Variants in WSB2 observed in about 807,000 individuals in gnomAD.
WSB2 encodes WD repeat and SOCS box containing 2, also known as WD repeat and SOCS box-containing protein 2.
A neutral mutation model predicts 48.8 loss-of-function variants in WSB2; 12 were observed. The observed-to-expected ratio is 0.25, with a 90% CI of 0.16 to 0.40. WSB2 has a LOEUF of 0.40. Among genes scored for constraint, WSB2 ranks in the 10% least tolerant of loss-of-function variants. WSB2 has a pLI of 1.00. For missense variants in WSB2, 317 were observed against 506.2 expected, an observed-to-expected ratio of 0.63 and a Z score of 3.59; for synonymous variants, 191 against 203.1, an observed-to-expected ratio of 0.94 and a Z score of 0.51.
At chr12:118,035,437 C>T in intron 6 of WSB2, 113 bp from the exon 7 acceptor site, 1 of 833,550 alleles carries the variant, frequency 1.2e-6, no homozygotes, top group Non-Finnish European at 1.9e-6. Flanking sequence ...GCTCAAGATG[C>T]ATTGTGTGCC....
At chr12:118,043,522 G>T in intron 2 of WSB2, 145 bp from the exon 3 acceptor site, 1 of 1,290,238 alleles carries the variant, frequency 7.8e-7, no homozygotes, top group Non-Finnish European at 1.0e-6. Context: ...ATGGCTCACT[G>T]CAGCCTCGAC....
chr12:118,033,547 T>TA lies in WSB2; in HGVS notation c.*648dup, dbSNP rs35299550. ...ATTTCCTGCACATGCACACCATTGT[T>TA]AAAAAAAAAAAAAAAAAGCCAGTAA... is the stretch of plus-strand genomic sequence containing the variant. On this transcript the variant is annotated 3_prime_UTR_variant, in exon 9 of 9. Coordinates refer to ENST00000315436, the MANE Select transcript of WSB2 (RefSeq NM_018639.5). 0.15 allele frequency: 19,448 copies of TA among 130,786 alleles called. 1,936 individuals carry two copies. The highest frequency in any genetic ancestry group is 0.31 in the African/African-American group (11,012 of 35,982). The allele number at this position is 130,786 out of a possible 1,614,324, so 8.1% of individuals were successfully genotyped here. A position where few individuals can be genotyped will look rare whatever the true frequency, so the allele number is the denominator to read the frequency against.
In WSB2 at chr12:118,038,215, ACT is replaced by A. The variant is rs1355378761; in HGVS notation, c.660+71_660+72del. 40 of 1,421,334 alleles carry A rather than the reference ACT, an allele frequency of 2.8e-5. 1 individual carries two copies. Among genetic ancestry groups the A allele is most frequent in the Non-Finnish European group, 3.7e-5 (39 of 1,052,858 alleles). 88.0% of individuals were successfully genotyped at this position (1,421,334 alleles called of 1,614,324 possible). A position where few individuals can be genotyped will look rare whatever the true frequency, so the allele number is the denominator to read the frequency against. On this transcript the variant is annotated intron_variant, in intron 5 of 8. Transcript: ENST00000315436. ...TGGATTTGCGGACGATTTTGAGAACACTCACACACACCAGGCCACCACTTCAG... is the reference window on the plus strand; with the variant it reads ...TGGATTTGCGGACGATTTTGAGAACACACACACACCAGGCCACCACTTCAG...
rs2032050616 is a variant in WSB2, at chr12:118,060,930, C to T, written c.13+106G>A. ...GCCGGACGCCCCCGCCGCGTCCAGC[C>T]CCCGCCCCACCCCGCCCAGCCCGCC... is the stretch of plus-strand genomic sequence containing the variant. On this transcript the variant is annotated intron_variant, in intron 1 of 8. Transcript: ENST00000315436. The surrounding 1 kb of genome is among the most constrained non-coding windows in gnomAD (Gnocchi z 4.1). The T allele has an allele frequency of 4.3e-6, 2 of 470,086 alleles. No homozygotes were observed. The highest frequency in any genetic ancestry group is 4.3e-5 in the African/African-American group (2 of 46,714). The allele number at this position is 470,086 out of a possible 1,614,324, so 29.1% of individuals were successfully genotyped here.
At chr12:118,052,837 C>T (rs1232887303) in intron 1 of WSB2, among the ~76,000 whole-genome samples, 1 of 152,132 alleles carries the variant, frequency 6.6e-6, no homozygotes, top group African/African-American at 2.4e-5. Flanking sequence ...GCAAGGCCTT[C>T]CAATGCATTT....
chr12:118,052,593 G>A (rs2031875946), intron 1 of WSB2, 115 bp from the exon 2 acceptor site: 1 of 1,498,200 alleles, frequency 6.7e-7, no homozygotes, highest in South Asian at 1.2e-5. Context: ...TTCCCAGAGG[G>A]AGTTGTCACT....
rs2031557186 is a variant in WSB2 at position 118,038,285 on chromosome 12, C to T, written c.660+3G>A. On this transcript the variant is annotated splice_donor_region_variant and intron_variant, in intron 5 of 8. Coordinates refer to ENST00000315436, the MANE Select transcript of WSB2 (RefSeq NM_018639.5). ...AATTAAAGCAATAACGCTGGAGACT[C>T]ACCGACTTCTCTCCAGCTGCAGAGC... The T allele has an allele frequency of 1.2e-6, 2 of 1,612,402 alleles. No homozygotes were observed. Among genetic ancestry groups the T allele is most frequent in the African/African-American group, 2.7e-5 (2 of 74,862 alleles).
In WSB2 at chr12:118,042,832, T is replaced by G; in HGVS notation, c.559+9A>C. The G allele has an allele frequency of 6.2e-7, 1 of 1,613,330 alleles. No individual in the cohort carries two copies. The highest frequency in any genetic ancestry group is 1.1e-5 in the South Asian group (1 of 90,930). ...TGGAGTTGCCGAGTAGTTCCTTCAC[T>G]TCCCATACCGTGTTTATTCAGGTCC... On this transcript the variant is annotated intron_variant, in intron 4 of 8. Transcript: ENST00000315436.
chr12:118,036,238 C>T, intron 6 of WSB2, 100 bp downstream of exon 6: 2 of 1,375,740 alleles, frequency 1.5e-6, no homozygotes, highest in Non-Finnish European at 1.0e-6. Flanking sequence ...CCAGCTTGTC[C>T]CCTCCCATGT....
At chr12:118,054,773 G>C (rs1249885872) in intron 1 of WSB2, among the ~76,000 whole-genome samples, 2 of 150,746 alleles carry the variant, frequency 1.3e-5, no homozygotes, top group Admixed American at 6.6e-5. Flanking sequence ...ATATAAAATA[G>C]GTGTGTGTTC....
At position 118,034,249 on chromosome 12, in the gene WSB2, C is replaced by G; in HGVS notation, c.1162G>C (p.Ala388Pro). 6.2e-7 allele frequency: 1 copy of G among 1,614,164 alleles called. No individual in the cohort carries two copies. The highest frequency in any genetic ancestry group is 8.5e-7 in the Non-Finnish European group (1 of 1,180,028). Residue 388 changes from alanine (A) to proline (P), a missense_variant, in exon 9 of 9, where the codon GCA (alanine) becomes CCA (proline). Ala to Pro is a conservative substitution (Grantham distance 27). Coordinates refer to ENST00000315436, the MANE Select transcript of WSB2 (RefSeq NM_018639.5). ...RSFLTTYQVL[A>P]LPIPKKMKEF... ...TTCATTTTCTTGGGGATTGGCAGTG[C>G]TAGGACTTGGTAAGTTGTTAGGAAA...
At position 118,061,143 on chromosome 12, in the gene WSB2, G is replaced by GGCCGCC; in HGVS notation, c.-101_-96dup. ...GCCCCCGCGCCGCCCGCCCCGGCCA[G>GGCCGCC]GCCGCCGCCGCCGCCCGGAGAGGCC... On this transcript the variant is annotated 5_prime_UTR_variant, in exon 1 of 9. Transcript: ENST00000315436. 1 of 981,876 alleles carries GGCCGCC rather than the reference G, an allele frequency of 1.0e-6. No individual in the cohort carries two copies. The highest frequency in any genetic ancestry group is 1.2e-6 in the Non-Finnish European group (1 of 828,410). The allele number at this position is 981,876 out of a possible 1,614,324, so 60.8% of individuals were successfully genotyped here.
chr12:118,055,642 T>C (rs948651601), intron 1 of WSB2, among the ~76,000 whole-genome samples: 4 of 125,750 alleles, frequency 3.2e-5, no homozygotes, highest in Admixed American at 2.0e-4. Context: ...TGAGATGGAG[T>C]CTCACTCTGT....
Position 118,043,206 on chromosome 12 carries a change from C to T in WSB2, c.354G>A (p.Val118=), listed in dbSNP as rs2031676237. 1 of 1,614,234 alleles carries T rather than the reference C, an allele frequency of 6.2e-7. No individual in the cohort carries two copies. The highest frequency in any genetic ancestry group is 8.5e-7 in the Non-Finnish European group (1 of 1,180,046). Residue 118 remains valine, a synonymous_variant, in exon 3 of 9, where the codon GTG becomes GTA. Coordinates refer to ENST00000315436, the MANE Select transcript of WSB2 (RefSeq NM_018639.5). ...CAAGAACCAGGCAAGAGACATCGGG[C>T]ACTTGGGGGTGGTGGCGTGCCCAGA... ...RKLWARHHPQ[V]PDVSCLVLAT...
rs766504246 is a variant in WSB2, at chr12:118,052,303, T to C, written c.182+7A>G. 2 of 1,611,976 alleles carry C rather than the reference T, an allele frequency of 1.2e-6. No individual in the cohort carries two copies. Among genetic ancestry groups the C allele is most frequent in the Admixed American group, 3.3e-5 (2 of 59,946 alleles). On this transcript the variant is annotated splice_region_variant and intron_variant, in intron 2 of 8. Coordinates refer to ENST00000315436, the MANE Select transcript of WSB2 (RefSeq NM_018639.5). ...GCCGGATGGGGCCCCAGTACGAGAA[T>C]ACTTACAACTGCTCCTCCAACGGCC...
chr12:118,039,662 T>C (rs1249978493), intron 4 of WSB2, among the ~76,000 whole-genome samples: 1 of 152,196 alleles, frequency 6.6e-6, no homozygotes, highest in Non-Finnish European at 1.5e-5. Context: ...ATAATTGTTA[T>C]ACGCCTGTAC....
At chr12:118,047,139 TTATTA>T (rs1309776750) in intron 2 of WSB2, among the ~76,000 whole-genome samples, 1 of 152,212 alleles carries the variant, frequency 6.6e-6, no homozygotes, top group Non-Finnish European at 1.5e-5. Context: ...TAAGGCATAT[TTATTA>T]TTTCATTTTA....
chr12:118,054,215 TCCAAAAAAA>T (rs1486151216), intron 1 of WSB2, among the ~76,000 whole-genome samples: 28 of 22,800 alleles, frequency 1.2e-3, no homozygotes, highest in African/African-American at 4.5e-3. Context: ...CTACTAAAAA[TCCAAAAAAA>T]AAAAAAAAAA....
At chr12:118,036,624 C>A in intron 5 of WSB2, 114 bp from the exon 6 acceptor site, 1 of 1,121,616 alleles carries the variant, frequency 8.9e-7, no homozygotes, top group South Asian at 1.6e-5. Context: ...AGGGCTGATT[C>A]TCTATCCCTT....
Sources: gnomAD v4.1 joint callset for allele counts (sites outside exome capture counted in the v4.1 genomes callset) on GRCh38, gnomAD v4.1.1 for gene constraint, Gnocchi (gnomAD v3.1) non-coding constraint, MANE v1.5 for transcripts, NCBI Gene and HGNC (gene_info 2026-07-23, HGNC 2026-07-21) for gene names.